Variants in SNAPC5 observed in about 807,000 individuals in gnomAD.
The protein encoded by SNAPC5 is small nuclear RNA activating complex polypeptide 5, also known as snRNA-activating protein complex subunit 5.
Under a neutral mutation model 9.1 loss-of-function variants are expected in SNAPC5, and 12 were observed. The ratio of observed to expected loss-of-function variants is 1.32; its 90% confidence interval spans 0.85 to 2.15. SNAPC5 has a LOEUF of 2.15. Ranked by LOEUF, SNAPC5 falls within the 30% of genes most tolerant of loss-of-function variation. The pLI, the probability that SNAPC5 is intolerant of heterozygous loss-of-function variation, is 0.00. For synonymous variants in SNAPC5, 52 were observed against 47.3 expected, an observed-to-expected ratio of 1.10 and a Z score of -0.41; for missense variants, 132 against 114.4, an observed-to-expected ratio of 1.15 and a Z score of -0.70.
chr15:66,489,766 G>GA (rs746978252), downstream of SNAPC5: 1 of 1,612,354 alleles, frequency 6.2e-7, no homozygotes, highest in South Asian at 1.1e-5. Context: ...AACTCATGGT[G>GA]AGTCTATTTA....
At chr15:66,495,275 T>C (rs1403234847) in intron 2 of SNAPC5, 55 bp downstream of exon 2, 3 of 1,014,710 alleles carry the variant, frequency 3.0e-6, no homozygotes, top group Non-Finnish European at 4.7e-6. Flanking sequence ...CCAAGCAGCA[T>C]GGGAGCAGAG....
At chr15:66,490,268 A>G, downstream of SNAPC5, 1 of 660,632 alleles carries the variant, frequency 1.5e-6, no homozygotes, top group Non-Finnish European at 2.8e-6. Flanking sequence ...CTGTCTCCAT[A>G]CTGCACGAGT....
rs1054074730 is a variant in SNAPC5 at position 66,497,703 on chromosome 15, T to C, written c.29A>G (p.Lys10Arg). 1 of 1,613,648 alleles carries C rather than the reference T, an allele frequency of 6.2e-7. No individual in the cohort carries two copies. The highest frequency in any genetic ancestry group is 8.5e-7 in the Non-Finnish European group (1 of 1,179,976). The change falls in exon 1 of 3, where the codon AAG (lysine) becomes AGG (arginine). Residue 10 changes from lysine (K) to arginine (R), a missense_variant. Transcript: ENST00000316634. Reference sequence around the variant, plus strand: ...CAACCGCAGCAGCGTCTCCTCCTCCTTGCGCAGTTCCTGAAGCCGGCTCAG... The same window carrying C: ...CAACCGCAGCAGCGTCTCCTCCTCCCTGCGCAGTTCCTGAAGCCGGCTCAG... MLSRLQELR[K>R]EEETLLRLKA... is the part of the protein sequence containing the mutation.
chr15:66,492,531 TTACACTGTG>T (rs1280307164), downstream of SNAPC5, among the ~76,000 whole-genome samples: 1 of 151,894 alleles, frequency 6.6e-6, no homozygotes, highest in Non-Finnish European at 1.5e-5. Flanking sequence ...GTTTTAACAT[TTACACTGTG>T]TGTCTTTTAC....
In SNAPC5 at chr15:66,495,330, A is replaced by T. The variant is rs1034939293; in HGVS notation, c.180T>A (p.Asp60Glu). The change falls in exon 2 of 3, where the codon GAT becomes GAA. Residue 60 changes from aspartate to glutamate, a missense_variant and splice_region_variant. By Grantham distance (45) the Asp-to-Glu change is conservative (BLOSUM62 2). Transcript: ENST00000316634. Reference sequence around the variant, plus strand: ...TAGGCCTGCACTTGATTAAGCTTACATCATGTGACTGTTCAGGTACAGTGT... The same window carrying T: ...TAGGCCTGCACTTGATTAAGCTTACTTCATGTGACTGTTCAGGTACAGTGT... ...SSHTVPEQSH[D>E]MLVHVDNEAS... 33 of 1,560,218 alleles carry T rather than the reference A, an allele frequency of 2.1e-5. No homozygotes were observed. The highest frequency in any genetic ancestry group is 2.9e-5 in the Non-Finnish European group (33 of 1,130,774).
At position 66,494,208 on chromosome 15, in the gene SNAPC5, T is replaced by C. The variant is rs751724739; in HGVS notation, c.*228A>G. The C allele has an allele frequency of 9.7e-6, 5 of 517,336 alleles. No homozygotes were observed. The highest frequency in any genetic ancestry group is 2.4e-5 in the South Asian group (1 of 41,046). 32.0% of individuals were successfully genotyped at this position (517,336 alleles called of 1,614,324 possible). On this transcript the variant is annotated 3_prime_UTR_variant, in exon 3 of 3. Transcript: ENST00000316634. ...ACCAGATTACAGACAGCACCACCCA[T>C]ATTACTCAATGCTAAGACACAGCAT...
chr15:66,491,338 T>C (rs773070290), downstream of SNAPC5: 18 of 233,578 alleles, frequency 7.7e-5, no homozygotes, highest in Admixed American at 1.7e-4. Flanking sequence ...TAAATGGAAT[T>C]ATTTTGAATG....
At chr15:66,494,981 C>T in intron 2 of SNAPC5, 1 of 354,700 alleles carries the variant, frequency 2.8e-6, no homozygotes, top group Non-Finnish European at 5.3e-6. Context: ...CTTGAAGCCA[C>T]ACTCTTGAAT....
chr15:66,492,579 A>C (rs2068591578), downstream of SNAPC5, among the ~76,000 whole-genome samples: 2 of 152,218 alleles, frequency 1.3e-5, no homozygotes. Flanking sequence ...ACTACTGAGA[A>C]TGTTTCATTA....
intron 1 of SNAPC5, among the ~76,000 whole-genome samples, chr15:66,496,010 C>A (rs1850983929): frequency 6.6e-6 from 1 of 151,466 alleles, no homozygotes; most frequent in Non-Finnish European, 1.5e-5. Context: ...ATCATGAGGT[C>A]AGGAGATCGA....
downstream of SNAPC5, chr15:66,491,040 G>A (rs56366941): frequency 2.5e-6 from 1 of 401,336 alleles, no homozygotes; most frequent in Admixed American, 4.3e-5. Context: ...AGGGAGCCTT[G>A]TGAGATCCTT....
chr15:66,495,570 G>C (rs569131026), intron 1 of SNAPC5, 151 bp from the exon 2 acceptor site: 14 of 607,814 alleles, frequency 2.3e-5, no homozygotes, highest in Admixed American at 8.3e-5. Flanking sequence ...GAGGGGGTAG[G>C]CTCTTAGGTT....
At position 66,494,333 on chromosome 15, in the gene SNAPC5, A is replaced by G; in HGVS notation, c.*103T>C. On this transcript the variant is annotated 3_prime_UTR_variant, in exon 3 of 3. Coordinates refer to ENST00000316634, the MANE Select transcript of SNAPC5 (RefSeq NM_001329615.2). ...CCTTATAGTTCTTGCTTTCCTTTCA[A>G]GCAGATCACAGGGCCCAGGGCAAGA... is the stretch of plus-strand genomic sequence containing the variant. The G allele has an allele frequency of 1.3e-6, 1 of 775,852 alleles. No individual in the cohort carries two copies. Among genetic ancestry groups the G allele is most frequent in the Non-Finnish European group, 2.2e-6 (1 of 464,766 alleles). 48.1% of individuals were successfully genotyped at this position (775,852 alleles called of 1,614,324 possible).
At chr15:66,495,536 CTG>C in intron 1 of SNAPC5, 117 bp from the exon 2 acceptor site, 2 of 671,894 alleles carry the variant, frequency 3.0e-6, no homozygotes, top group South Asian at 3.3e-5. Flanking sequence ...AAAACTATCT[CTG>C]TGTTGCTCTA....
downstream of SNAPC5, chr15:66,490,600 T>C (rs751868729): frequency 1.2e-6 from 2 of 1,614,058 alleles, no homozygotes; most frequent in African/African-American, 1.3e-5. Flanking sequence ...CACCAACCCA[T>C]GCTGCTGGCG....
Position 66,495,523 on chromosome 15 carries a change from A to ATGAAAACT in SNAPC5, c.91-112_91-105dup, listed in dbSNP as rs1297732949. The ATGAAAACT allele has an allele frequency of 9.8e-6, 7 of 710,808 alleles. No individual in the cohort carries two copies. In the African/African-American group the frequency reaches 1.2e-4, roughly 12 times the overall value. The allele number at this position is 710,808 out of a possible 1,614,324, so 44.0% of individuals were successfully genotyped here. A position where few individuals can be genotyped will look rare whatever the true frequency, so the allele number is the denominator to read the frequency against. Reference sequence around the variant, plus strand: ...TGAAACATTTGCATCAAGAGAGGGAATGAAAACTATCTCTGTGTTGCTCTA... The same window carrying ATGAAAACT: ...TGAAACATTTGCATCAAGAGAGGGAATGAAAACTTGAAAACTATCTCTGTGTTGCTCTA... On this transcript the variant is annotated intron_variant, in intron 1 of 2. Coordinates refer to ENST00000316634, the MANE Select transcript of SNAPC5 (RefSeq NM_001329615.2).
At chr15:66,495,525 G>T in intron 1 of SNAPC5, 106 bp from the exon 2 acceptor site, 1 of 707,712 alleles carries the variant, frequency 1.4e-6, no homozygotes, top group Non-Finnish European at 2.6e-6. Flanking sequence ...GAGAGGGAAT[G>T]AAAACTATCT....
downstream of SNAPC5, chr15:66,492,225 CATT>C (rs1893279165): frequency 3.6e-6 from 1 of 280,138 alleles, no homozygotes; most frequent in South Asian, 3.0e-5. Context: ...CCTCTCCGCT[CATT>C]ATTTTCTTTG....
chr15:66,495,183 C>T (rs1333026312), intron 2 of SNAPC5, 147 bp downstream of exon 2: 2 of 686,656 alleles, frequency 2.9e-6, no homozygotes, highest in Admixed American at 4.3e-5. Context: ...GAGTTGCCAC[C>T]TTATTAAACC....
Sources: gnomAD v4.1 joint callset for allele counts (sites outside exome capture counted in the v4.1 genomes callset) on GRCh38, gnomAD v4.1.1 for gene constraint, MANE v1.5 for transcripts, NCBI Gene and HGNC (gene_info 2026-07-23, HGNC 2026-07-21) for gene names.